F11: variants seen among roughly 807,000 people sequenced by gnomAD.
F11 encodes coagualtion factor XI.
Under a neutral mutation model 76.5 loss-of-function variants are expected in F11, and 78 were observed. That is an observed-to-expected ratio of 1.02 (90% CI 0.85 to 1.23). F11 has a LOEUF of 1.23. F11 is among the 50% of genes most tolerant of loss of function. F11 has a pLI of 0.00. For missense variants in F11, 742 were observed against 771.4 expected, an observed-to-expected ratio of 0.96 and a Z score of 0.45; for synonymous variants, 278 against 276.3, an observed-to-expected ratio of 1.01 and a Z score of -0.06.
At position 186,280,390 on chromosome 4, in the gene F11, G is replaced by T. The variant is rs777108638; in HGVS notation, c.1028+5G>T. On this transcript the variant is annotated splice_donor_5th_base_variant and intron_variant, in intron 9 of 14. Transcript: ENST00000403665. ...AGCATCCTGCAACGAAGGGAAGTAA[G>T]CCATATGAAGGGTTATGCAGACACC... 3 of 1,614,212 alleles carry T rather than the reference G, an allele frequency of 1.9e-6. No homozygotes were observed. The highest frequency in any genetic ancestry group is 2.5e-6 in the Non-Finnish European group (3 of 1,180,048).
At chr4:186,284,384 G>T in intron 11 of F11, 124 bp downstream of exon 11, 1 of 1,048,976 alleles carries the variant, frequency 9.5e-7, no homozygotes. Context: ...TTAATTAATT[G>T]CTTCAGTGGT....
intron 10 of F11, chr4:186,282,340 A>G (rs1443441977): frequency 2.0e-6 from 2 of 985,316 alleles, no homozygotes; most frequent in African/African-American, 3.5e-5. Flanking sequence ...ACGTCTTTTC[A>G]GTGCAACTTT....
intron 1 of F11, among the ~76,000 whole-genome samples, chr4:186,266,916 C>T (rs1420778792): frequency 6.6e-6 from 1 of 151,928 alleles, no homozygotes; most frequent in Non-Finnish European, 1.5e-5. Context: ...CTGTGGGTTC[C>T]GGCTTCTGCA....
At chr4:186,269,018 T>C (rs1315894349) in intron 2 of F11, among the ~76,000 whole-genome samples, 1 of 152,184 alleles carries the variant, frequency 6.6e-6, no homozygotes, top group African/African-American at 2.4e-5. Context: ...AGGGTAATCT[T>C]GACACCAAAA....
chr4:186,280,395 A>G lies in F11; in HGVS notation c.1028+10A>G, dbSNP rs775933938. 2.5e-6 allele frequency: 4 copies of G among 1,614,214 alleles called. No homozygotes were observed. Among genetic ancestry groups the G allele is most frequent in the Non-Finnish European group, 3.4e-6 (4 of 1,180,034 alleles). ...CCTGCAACGAAGGGAAGTAAGCCAT[A>G]TGAAGGGTTATGCAGACACCCTTGT... On this transcript the variant is annotated intron_variant, in intron 9 of 14. Transcript: ENST00000403665.
rs1318675801 is a variant in F11 at position 186,267,070 on chromosome 4, T to A, written c.-1-66T>A. 3 of 997,398 alleles carry A rather than the reference T, an allele frequency of 3.0e-6. No homozygotes were observed. In the East Asian group the frequency reaches 7.1e-5, roughly 24 times the overall value. The allele number at this position is 997,398 out of a possible 1,614,324, so 61.8% of individuals were successfully genotyped here. ...TCTCCCTATTTCTTGTAAGTCTTAG[T>A]GTCAGTAAACTAATTATAAATTTAC... On this transcript the variant is annotated intron_variant, in intron 1 of 14. Coordinates refer to ENST00000403665, the MANE Select transcript of F11 (RefSeq NM_000128.4).
At chr4:186,286,656 T>A (rs1741229531) in intron 13 of F11, 146 bp downstream of exon 13, 3 of 1,485,454 alleles carry the variant, frequency 2.0e-6, no homozygotes, top group Non-Finnish European at 2.7e-6. Context: ...GAGGCAAAAA[T>A]CACCCAAGTG....
In F11 at chr4:186,288,071, G is replaced by A. The variant is rs4253427; in HGVS notation, c.1716+248G>A. The stretch of plus-strand genomic sequence containing the variant: ...AGGCGCCAGCTACCAAGCCCAGCTA[G>A]CGTCTTTTTTTTTTTTAGTTTTAGT... On this transcript the variant is annotated intron_variant, in intron 14 of 14. Transcript: ENST00000403665. 0.33 allele frequency among the ~76,000 whole-genome samples: 49,434 copies of A among 150,944 alleles called. 8,474 individuals are homozygous for A. The highest frequency in any genetic ancestry group is 0.43 in the Middle Eastern group (124 of 288).
intron 2 of F11, among the ~76,000 whole-genome samples, chr4:186,270,048 T>C (rs1352941203): frequency 6.6e-6 from 1 of 152,152 alleles, no homozygotes; most frequent in African/African-American, 2.4e-5. Flanking sequence ...TACTCGTTGG[T>C]GCGGTAAGGA....
In F11 at chr4:186,287,883, G is replaced by T; in HGVS notation, c.1716+60G>T. On this transcript the variant is annotated intron_variant, in intron 14 of 14. Coordinates refer to ENST00000403665, the MANE Select transcript of F11 (RefSeq NM_000128.4). The stretch of plus-strand genomic sequence containing the variant: ...AAATTGGAATGCTTAATGCGTTGGG[G>T]TTTTTTTGTTTGTTTTGTTTTTTTT... 4.5e-6 allele frequency: 7 copies of T among 1,564,608 alleles called. No homozygotes were observed. The Admixed American group carries it at 6.8e-5, about 15-fold the overall frequency.
At chr4:186,272,807 A>G (rs1450258765) in intron 3 of F11, among the ~76,000 whole-genome samples, 1 of 152,176 alleles carries the variant, frequency 6.6e-6, no homozygotes. Context: ...AAACACACAG[A>G]TTTTTGGTTG....
At chr4:186,275,974 A>G in intron 6 of F11, 78 bp downstream of exon 6, 2 of 1,211,872 alleles carry the variant, frequency 1.7e-6, no homozygotes, top group Middle Eastern at 1.9e-4. Flanking sequence ...TCAGGATACC[A>G]GCTTATGCTC....
rs760612112 is a variant in F11 at position 186,288,573 on chromosome 4, G to A, written c.1837G>A (p.Glu613Lys). The A allele has an allele frequency of 3.7e-6, 6 of 1,614,050 alleles. No individual in the cohort carries two copies. The highest frequency in any genetic ancestry group is 1.1e-5 in the South Asian group (1 of 91,072). The change falls in exon 15 of 15, where the codon GAG becomes AAG. Residue 613 changes from glutamate to lysine, a missense_variant. Physicochemically the swap from Glu to Lys is moderately conservative, Grantham distance 56. Transcript: ENST00000403665. ...GCCAGGTGTTTACACCAACGTGGTC[G>A]AGTACGTGGACTGGATTCTGGAGAA... is the stretch of plus-strand genomic sequence containing the variant. ...ERPGVYTNVV[E>K]YVDWILEKTQ...
chr4:186,287,026 T>A (rs1022369863), intron 13 of F11, among the ~76,000 whole-genome samples: 1 of 152,008 alleles, frequency 6.6e-6, no homozygotes, highest in African/African-American at 2.4e-5. Flanking sequence ...CAGGCTGGAG[T>A]GCAGTGGCAC....
intron 12 of F11, chr4:186,286,020 G>C: frequency 3.2e-6 from 2 of 632,096 alleles, no homozygotes; most frequent in Non-Finnish European, 5.6e-6. Context: ...TGGGTAAAGA[G>C]ATACGTTTTC....
chr4:186,266,915 C>G (rs1739545100), intron 1 of F11, among the ~76,000 whole-genome samples: 2 of 151,904 alleles, frequency 1.3e-5, no homozygotes, highest in African/African-American at 4.8e-5. Flanking sequence ...CCTGTGGGTT[C>G]CGGCTTCTGC....
intron 5 of F11, chr4:186,274,584 C>T (rs1740231476): frequency 2.6e-6 from 1 of 391,264 alleles, no homozygotes; most frequent in African/African-American, 2.1e-5. Context: ...TGTCAGTGCC[C>T]TTCCCAGTCT....
chr4:186,280,465 C>T lies in F11; in HGVS notation c.1029-9C>T, dbSNP rs147654215. On this transcript the variant is annotated splice_polypyrimidine_tract_variant and intron_variant, in intron 9 of 14. Coordinates refer to ENST00000403665, the MANE Select transcript of F11 (RefSeq NM_000128.4). ...CATTATGTTTATACCGTTTTGTTTC[C>T]AACTGCAGGGGCAAGTGTTACTTAA... 2 of 1,614,022 alleles carry T rather than the reference C, an allele frequency of 1.2e-6. No homozygotes were observed. The highest frequency in any genetic ancestry group is 1.3e-5 in the African/African-American group (1 of 74,916).
intron 5 of F11, 100 bp from the exon 6 acceptor site, chr4:186,275,687 T>C (rs1251207530): frequency 1.2e-6 from 1 of 841,136 alleles, no homozygotes; most frequent in Non-Finnish European, 2.0e-6. Flanking sequence ...CTTCGGGGTC[T>C]CGCAGGTCCT....
Sources: allele counts gnomAD v4.1 joint callset (sites outside exome capture counted in the v4.1 genomes callset), GRCh38; gene constraint gnomAD v4.1.1; transcripts MANE v1.5; gene names NCBI Gene and HGNC (gene_info 2026-07-23, HGNC 2026-07-21).